The following KLHDC10 variants were observed in gnomAD, a reference collection of about 807,000 sequenced individuals.
The protein encoded by KLHDC10 is kelch domain-containing protein 10.
A neutral mutation model predicts 56.1 loss-of-function variants in KLHDC10; 24 were observed. The ratio of observed to expected loss-of-function variants is 0.43; its 90% CI spans 0.31 to 0.60. KLHDC10 has a LOEUF of 0.60. Among genes scored for constraint, KLHDC10 ranks in the 20% least tolerant of loss-of-function variants. The pLI, the probability that KLHDC10 is intolerant of heterozygous loss-of-function variation, is 0.11. For missense variants in KLHDC10, 349 were observed against 567.0 expected (o/e 0.62, Z 3.91); for synonymous variants, 188 against 207.1 (o/e 0.91, Z 0.79).
intron 1 of KLHDC10, among the ~76,000 whole-genome samples, chr7:130,083,755 A>G (rs934761439): frequency 3.9e-5 from 6 of 152,192 alleles, no homozygotes; most frequent in African/African-American, 1.4e-4. Flanking sequence ...CTCAAAAACA[A>G]ACAAACCCAC....
At chr7:130,073,672 A>C (rs1439938302) in intron 1 of KLHDC10, among the ~76,000 whole-genome samples, 1 of 152,064 alleles carries the variant, frequency 6.6e-6, no homozygotes, top group Non-Finnish European at 1.5e-5. Flanking sequence ...CTTACTTTTT[A>C]CATCTCAACC....
intron 2 of KLHDC10, among the ~76,000 whole-genome samples, chr7:130,100,093 G>A (rs935627208): frequency 1.3e-5 from 2 of 149,102 alleles, no homozygotes; most frequent in South Asian, 2.1e-4. Context: ...GTGAAAGAGC[G>A]AGGCCCTGTC....
chr7:130,077,381 A>AAAAAC (rs1213533247), intron 1 of KLHDC10, among the ~76,000 whole-genome samples: 5 of 146,856 alleles, frequency 3.4e-5, no homozygotes, highest in African/African-American at 1.3e-4. Context: ...AAAAAAAAAA[A>AAAAAC]ACAGTATATG....
chr7:130,118,632 T>C (rs1331903863), intron 3 of KLHDC10, among the ~76,000 whole-genome samples: 1 of 152,266 alleles, frequency 6.6e-6, no homozygotes, highest in Non-Finnish European at 1.5e-5. Flanking sequence ...GCCTTTGCTT[T>C]CCACATGCCT....
At chr7:130,122,378 G>A (rs569480323) in intron 5 of KLHDC10, among the ~76,000 whole-genome samples, 176 bp downstream of exon 5, 18 of 152,252 alleles carry the variant, frequency 1.2e-4, no homozygotes, top group South Asian at 2.1e-4. Flanking sequence ...AGTTCTTCTG[G>A]TGAGGAAATA....
At chr7:130,091,537 CTT>C (rs143490978) in intron 1 of KLHDC10, among the ~76,000 whole-genome samples, 8,265 of 152,238 alleles carry the variant, frequency 0.054, 269 homozygotes, top group South Asian at 0.13. Flanking sequence ...AGCTAGTATT[CTT>C]AAATCTTTTA....
chr7:130,081,934 T>C (rs922899760), intron 1 of KLHDC10, among the ~76,000 whole-genome samples: 3 of 152,216 alleles, frequency 2.0e-5, no homozygotes, highest in African/African-American at 7.2e-5. Context: ...TTTCTGGACT[T>C]GAGACATTAG....
chr7:130,134,356 T>C lies in KLHDC10; in HGVS notation c.*3610T>C, dbSNP rs1471893939. The C allele has an allele frequency of 6.6e-6, 1 of 152,200 alleles. No homozygotes were observed. The highest frequency in any genetic ancestry group is 6.5e-5 in the Admixed American group (1 of 15,284). The allele number at this position is 152,200 out of a possible 1,614,324, so 9.4% of individuals were successfully genotyped here. ...AGGAACCACAGGTGGTAATCCTGAG[T>C]AGATGTAGCTCTTCAGCGTCATCTC... On this transcript the variant is annotated 3_prime_UTR_variant, in exon 10 of 10. Coordinates refer to ENST00000335420, the MANE Select transcript of KLHDC10 (RefSeq NM_014997.4).
chr7:130,113,260 A>G (rs1255149620), intron 2 of KLHDC10, among the ~76,000 whole-genome samples: 1 of 151,852 alleles, frequency 6.6e-6, no homozygotes, highest in Non-Finnish European at 1.5e-5. Context: ...AGAGGTAGTC[A>G]TTGCCTTATC....
Position 130,120,006 on chromosome 7 carries a change from C to CA in KLHDC10, c.476-740dup, listed in dbSNP as rs1256521451. 6.6e-6 allele frequency among the ~76,000 whole-genome samples: 1 copy of CA among 152,016 alleles called. No individual in the cohort carries two copies. The highest frequency in any genetic ancestry group is 1.5e-5 in the Non-Finnish European group (1 of 68,004). ...AAAAGAGCTACAGGAGGAAGAACAC[C>CA]AAAGTTACCTGCAGGATATTGGTGT... On this transcript the variant is annotated intron_variant, in intron 3 of 9. Transcript: ENST00000335420. The surrounding 1 kb of genome is among the most constrained non-coding windows in gnomAD (Gnocchi z 5.1).
chr7:130,071,900 A>C (rs1795416766), intron 1 of KLHDC10, among the ~76,000 whole-genome samples: 1 of 152,222 alleles, frequency 6.6e-6, no homozygotes. Flanking sequence ...AAGATGACAA[A>C]GGGAATTTAG....
intron 6 of KLHDC10, 142 bp from the exon 7 acceptor site, chr7:130,125,723 A>G: frequency 1.6e-6 from 1 of 639,052 alleles, no homozygotes; most frequent in Non-Finnish European, 2.7e-6. Flanking sequence ...CTGTATGGAA[A>G]ATCACTGTAC....
chr7:130,104,259 C>T (rs1339860342), intron 2 of KLHDC10, among the ~76,000 whole-genome samples: 1 of 152,088 alleles, frequency 6.6e-6, no homozygotes, highest in Non-Finnish European at 1.5e-5. Context: ...GGAAAATCTG[C>T]ATATAAATAG....
chr7:130,103,909 G>T (rs1563101756), intron 2 of KLHDC10, among the ~76,000 whole-genome samples: 1 of 151,970 alleles, frequency 6.6e-6, no homozygotes, highest in Non-Finnish European at 1.5e-5. Flanking sequence ...CCAACATGAT[G>T]AAATCCCCCC....
chr7:130,119,260 C>T (rs1796214069), intron 3 of KLHDC10, among the ~76,000 whole-genome samples: 1 of 151,862 alleles, frequency 6.6e-6, no homozygotes, highest in Non-Finnish European at 1.5e-5. Flanking sequence ...CCTGTAATCC[C>T]AGCACTTTGG....
Position 130,070,673 on chromosome 7 carries a change from C to G in KLHDC10, c.30C>G (p.Asn10Lys). 7.6e-7 allele frequency: 1 copy of G among 1,309,710 alleles called. No individual in the cohort carries two copies. The highest frequency in any genetic ancestry group is 9.8e-7 in the Non-Finnish European group (1 of 1,023,546). 81.1% of individuals were successfully genotyped at this position (1,309,710 alleles called of 1,614,324 possible). A position where few individuals can be genotyped will look rare whatever the true frequency, so the allele number is the denominator to read the frequency against. MSAAQGWDR[N>K]RRRGGGAAGA... ...CGGCCGCCCAGGGCTGGGACAGGAA[C>G]CGCCGGAGGGGAGGAGGCGCCGCCG... Residue 10 changes from asparagine to lysine, a missense_variant, in exon 1 of 10, where the codon AAC becomes AAG. By Grantham distance (94) the Asn-to-Lys change is moderately conservative. Coordinates refer to ENST00000335420, the MANE Select transcript of KLHDC10 (RefSeq NM_014997.4).
Position 130,133,314 on chromosome 7 carries a change from G to A in KLHDC10, c.*2568G>A, listed in dbSNP as rs532692994. ...GTTTACTTGATTTAGGAAAGTTTAT[G>A]CCTGCTGCTTCTCTGCCTCTTTGAG... is the stretch of plus-strand genomic sequence containing the variant. On this transcript the variant is annotated 3_prime_UTR_variant, in exon 10 of 10. Transcript: ENST00000335420. The A allele has an allele frequency of 5.9e-5, 9 of 152,326 alleles. No individual in the cohort carries two copies. Among genetic ancestry groups the A allele is most frequent in the Non-Finnish European group, 7.3e-5 (5 of 68,038 alleles). 9.4% of individuals were successfully genotyped at this position (152,326 alleles called of 1,614,324 possible).
At chr7:130,124,057 C>A (rs1452704009) in intron 5 of KLHDC10, among the ~76,000 whole-genome samples, 1 of 152,068 alleles carries the variant, frequency 6.6e-6, no homozygotes, top group East Asian at 1.9e-4. Context: ...ATAGAAAAAT[C>A]TACAAAATAC....
At chr7:130,092,743 G>GT (rs1795792953) in intron 1 of KLHDC10, among the ~76,000 whole-genome samples, 1 of 152,134 alleles carries the variant, frequency 6.6e-6, no homozygotes, top group African/African-American at 2.4e-5. Flanking sequence ...GCTGGGAGGG[G>GT]TTAACCTGCT....
Sources: allele counts gnomAD v4.1 joint callset (sites outside exome capture counted in the v4.1 genomes callset), GRCh38; gene constraint gnomAD v4.1.1; non-coding constraint Gnocchi (gnomAD v3.1); transcripts MANE v1.5; gene names NCBI Gene and HGNC (gene_info 2026-07-23, HGNC 2026-07-21).